NCKAP1: variants seen among roughly 807,000 people sequenced by gnomAD.
NCKAP1 encodes nck-associated protein 1.
In NCKAP1, 21 loss-of-function variants were observed where a neutral mutation model predicts 151.2. The ratio of observed to expected loss-of-function variants is 0.14; its 90% CI spans 0.10 to 0.20. The LOEUF is 0.20. Among genes scored for constraint, NCKAP1 ranks in the 10% least tolerant of loss-of-function variants. NCKAP1 has a pLI of 1.00. For synonymous variants in NCKAP1, 484 were observed against 451.8 expected, an observed-to-expected ratio of 1.07 and a Z score of -0.90; for missense variants, 933 against 1,352.1, an observed-to-expected ratio of 0.69 and a Z score of 4.86.
intron 2 of NCKAP1, among the ~76,000 whole-genome samples, chr2:183,019,338 A>C (rs1698752199): frequency 6.6e-6 from 1 of 152,194 alleles, no homozygotes; most frequent in Non-Finnish European, 1.5e-5. Flanking sequence ...GTAATGCAAT[A>C]TAGGAAAGAG....
intron 8 of NCKAP1, among the ~76,000 whole-genome samples, chr2:182,989,959 C>A (rs751201340): frequency 6.6e-6 from 1 of 151,342 alleles, no homozygotes; most frequent in Admixed American, 6.6e-5. Context: ...CACTGCACTC[C>A]GGCCTGGGTG....
At chr2:183,022,088 T>C (rs1698807563) in intron 2 of NCKAP1, among the ~76,000 whole-genome samples, 1 of 152,200 alleles carries the variant, frequency 6.6e-6, no homozygotes, top group Non-Finnish European at 1.5e-5. Flanking sequence ...CAGCAGATGC[T>C]TAATTGGTCT....
chr2:183,032,389 G>A (rs555457289), intron 1 of NCKAP1, among the ~76,000 whole-genome samples: 1 of 152,280 alleles, frequency 6.6e-6, no homozygotes, highest in Non-Finnish European at 1.5e-5. Flanking sequence ...AATGTCATCA[G>A]ATGATTTCAT....
At chr2:182,957,360 A>G in intron 19 of NCKAP1, 97 bp downstream of exon 19, 1 of 1,218,048 alleles carries the variant, frequency 8.2e-7, no homozygotes, top group Non-Finnish European at 1.1e-6. Flanking sequence ...TGAAGAATAT[A>G]CAATTATTAG....
In NCKAP1 at chr2:183,038,108, T is replaced by C. The variant is rs954421908; in HGVS notation, c.-9A>G. On this transcript the variant is annotated 5_prime_UTR_variant, in exon 1 of 31. Transcript: ENST00000361354. The stretch of plus-strand genomic sequence containing the variant: ...AGCACTGAGCGCGACATGGTGGTGC[T>C]GGTGCCGCCGCCGCCGCCGGCCGCC... 4 of 1,545,536 alleles carry C rather than the reference T, an allele frequency of 2.6e-6. No homozygotes were observed. The highest frequency in any genetic ancestry group is 1.2e-5 in the South Asian group (1 of 85,238).
intron 2 of NCKAP1, among the ~76,000 whole-genome samples, chr2:183,016,058 A>G (rs569487562): frequency 1.5e-4 from 23 of 152,194 alleles, no homozygotes; most frequent in African/African-American, 5.5e-4. Flanking sequence ...CTGAAGTTAT[A>G]AGGGAATAAG....
At chr2:182,967,440 A>C in intron 15 of NCKAP1, 79 bp from the exon 16 acceptor site, 1 of 1,298,448 alleles carries the variant, frequency 7.7e-7, no homozygotes, top group Non-Finnish European at 1.1e-6. Context: ...GGGGAAAAGC[A>C]TCACTGAAAG....
chr2:182,968,387 T>C (rs1243724569), intron 15 of NCKAP1, among the ~76,000 whole-genome samples: 1 of 152,200 alleles, frequency 6.6e-6, no homozygotes, highest in African/African-American at 2.4e-5. Flanking sequence ...GTCAGGATTT[T>C]GGCTGTTGGG....
At chr2:182,951,311 A>G (rs1287025550) in intron 23 of NCKAP1, among the ~76,000 whole-genome samples, 1 of 152,152 alleles carries the variant, frequency 6.6e-6, no homozygotes, top group African/African-American at 2.4e-5. Flanking sequence ...AACCACATTT[A>G]GAACTCTATG....
chr2:182,985,160 T>C (rs1698026514), intron 10 of NCKAP1, among the ~76,000 whole-genome samples: 1 of 152,154 alleles, frequency 6.6e-6, no homozygotes. Context: ...ATACGATGAG[T>C]AAAGATGGTT....
chr2:183,023,694 A>C (rs571237144), intron 2 of NCKAP1, 112 bp downstream of exon 2: 1 of 805,798 alleles, frequency 1.2e-6, no homozygotes, highest in African/African-American at 1.7e-5. Flanking sequence ...TATAATCTGT[A>C]TATCAAAATG....
chr2:183,034,061 A>G (rs1403704662), intron 1 of NCKAP1, among the ~76,000 whole-genome samples: 1 of 152,188 alleles, frequency 6.6e-6, no homozygotes, highest in East Asian at 1.9e-4. Flanking sequence ...CTGATTGACC[A>G]AAAGAGAAAA....
At chr2:182,958,659 C>G (rs1575030266) in intron 18 of NCKAP1, among the ~76,000 whole-genome samples, 1 of 152,206 alleles carries the variant, frequency 6.6e-6, no homozygotes, top group Middle Eastern at 3.4e-3. Flanking sequence ...GTGAGAGAAG[C>G]AGGAATCAAG....
intron 2 of NCKAP1, among the ~76,000 whole-genome samples, chr2:183,018,770 G>A (rs1698742574): frequency 6.6e-6 from 1 of 152,200 alleles, no homozygotes; most frequent in Admixed American, 6.5e-5. Flanking sequence ...GGTTATGTTA[G>A]AGTGTATCAA....
At chr2:182,993,665 C>G (rs1698212478) in intron 8 of NCKAP1, among the ~76,000 whole-genome samples, 1 of 151,796 alleles carries the variant, frequency 6.6e-6, no homozygotes, top group South Asian at 2.1e-4. Context: ...ATAAGGGGAG[C>G]TAAACACTGA....
At chr2:182,968,104 G>C (rs545445144) in intron 15 of NCKAP1, among the ~76,000 whole-genome samples, 26 of 152,318 alleles carry the variant, frequency 1.7e-4, no homozygotes, top group African/African-American at 5.8e-4. Context: ...ACCAGATGGT[G>C]AACAGCCTGT....
At chr2:182,988,730 C>T (rs1476345248) in intron 9 of NCKAP1, among the ~76,000 whole-genome samples, 1 of 152,080 alleles carries the variant, frequency 6.6e-6, no homozygotes, top group Non-Finnish European at 1.5e-5. Flanking sequence ...GTATATGGTA[C>T]TTTTGCATCT....
rs369155833 is a variant in NCKAP1, at chr2:182,966,381, G to C, written c.1628+835C>G. Among the ~76,000 whole-genome samples, 16 of 151,744 alleles carry C rather than the reference G, an allele frequency of 1.1e-4. 1 individual carries two copies. In the East Asian group the frequency reaches 2.3e-3, roughly 22 times the overall value. On this transcript the variant is annotated intron_variant, in intron 16 of 30. Coordinates refer to ENST00000361354, the MANE Select transcript of NCKAP1 (RefSeq NM_013436.5). The stretch of plus-strand genomic sequence containing the variant: ...GCTCACTGCAACCTCCGCCTCCCAG[G>C]TTCAGGCGATTCTCCTGCTTCAAGC...
intron 2 of NCKAP1, among the ~76,000 whole-genome samples, chr2:183,021,891 T>G (rs1441233033): frequency 6.6e-6 from 1 of 152,160 alleles, no homozygotes; most frequent in Non-Finnish European, 1.5e-5. Context: ...ACTCTGTGAA[T>G]GTACTTAAAA....
Sources: allele counts gnomAD v4.1 joint callset (sites outside exome capture counted in the v4.1 genomes callset), GRCh38; gene constraint gnomAD v4.1.1; transcripts MANE v1.5; gene names NCBI Gene and HGNC (gene_info 2026-07-23, HGNC 2026-07-21).